The following FUBP3 variants were observed in gnomAD, a reference collection of about 807,000 sequenced individuals.
FUBP3 encodes the protein far upstream element binding protein 3.
Under a neutral mutation model 85.6 loss-of-function variants are expected in FUBP3, and 28 were observed. That is an observed-to-expected ratio of 0.33 (90% CI 0.24 to 0.45). The LOEUF (loss-of-function observed/expected upper bound fraction) is 0.45. Ranked by LOEUF, FUBP3 falls within the 20% of genes least tolerant of loss-of-function variation. FUBP3 has a pLI of 1.00. For missense variants in FUBP3, 583 were observed against 755.1 expected, an observed-to-expected ratio of 0.77 and a Z score of 2.67; for synonymous variants, 271 against 271.4, an observed-to-expected ratio of 1.00 and a Z score of 0.01.
At chr9:130,601,583 C>T (rs1831155859) in intron 2 of FUBP3, among the ~76,000 whole-genome samples, 1 of 152,116 alleles carries the variant, frequency 6.6e-6, no homozygotes, top group Non-Finnish European at 1.5e-5. Context: ...CACTCAAAGA[C>T]TCGTCTTTGC....
chr9:130,634,793 CT>C, intron 17 of FUBP3, 55 bp downstream of exon 17: 1 of 1,361,632 alleles, frequency 7.3e-7, no homozygotes, highest in Admixed American at 1.8e-5. Flanking sequence ...AGCCCAGAGA[CT>C]TCAGAGTCCA....
chr9:130,614,396 A>C, intron 6 of FUBP3, 51 bp downstream of exon 6: 3 of 1,100,682 alleles, frequency 2.7e-6, no homozygotes, highest in Non-Finnish European at 2.8e-6. Context: ...TCCTTCCCCA[A>C]ATGGGGAGAA....
At chr9:130,619,272 G>A (rs983550692) in intron 8 of FUBP3, among the ~76,000 whole-genome samples, 1 of 150,366 alleles carries the variant, frequency 6.7e-6, no homozygotes, top group South Asian at 2.1e-4. Flanking sequence ...ACGGGTTTTA[G>A]TGATTTTTAA....
rs869282275 is a variant in FUBP3 at position 130,589,675 on chromosome 9, G to GTGTGTGTATGTGTATGTA, written c.85-5807_85-5806insGTGTGTATGTGTATGTAT. 1.0e-3 allele frequency among the ~76,000 whole-genome samples: 35 copies of GTGTGTGTATGTGTATGTA among 34,310 alleles called. 1 individual carries two copies. The highest frequency in any genetic ancestry group is 1.6e-3 in the Non-Finnish European group (33 of 20,598). The allele number at this position is 34,310 out of a possible 152,430, so 22.5% of individuals were successfully genotyped here. On this transcript the variant is annotated intron_variant, in intron 1 of 18. Transcript: ENST00000319725. ...ATTTTAAATATGTATGTATGTGTGT[G>GTGTGTGTATGTGTATGTA]TATATATATATATATATATATATAT...
At chr9:130,585,637 T>C (rs936609143) in intron 1 of FUBP3, among the ~76,000 whole-genome samples, 1 of 152,260 alleles carries the variant, frequency 6.6e-6, no homozygotes. Context: ...AACATGCTTA[T>C]GTGCATTAAC....
intron 2 of FUBP3, among the ~76,000 whole-genome samples, chr9:130,607,056 C>T (rs1473357937): frequency 6.6e-6 from 1 of 152,114 alleles, no homozygotes; most frequent in African/African-American, 2.4e-5. Flanking sequence ...CTGCAACTTC[C>T]ACCTCCCCGG....
chr9:130,624,012 T>G (rs530340827), intron 11 of FUBP3, among the ~76,000 whole-genome samples: 1 of 151,136 alleles, frequency 6.6e-6, no homozygotes, highest in Non-Finnish European at 1.5e-5. Context: ...AATAATCAAG[T>G]GTATTTAATG....
At chr9:130,631,892 G>A (rs1279288133) in intron 14 of FUBP3, 50 bp from the exon 15 acceptor site, 2 of 1,363,434 alleles carry the variant, frequency 1.5e-6, no homozygotes, top group Admixed American at 3.4e-5. Context: ...GAGGGGACGA[G>A]CCCTCTGTTG....
At chr9:130,619,968 A>AG (rs1829672872) in intron 8 of FUBP3, among the ~76,000 whole-genome samples, 1 of 151,930 alleles carries the variant, frequency 6.6e-6, no homozygotes, top group Non-Finnish European at 1.5e-5. Context: ...GCTCTTAGAC[A>AG]CCCCTTCCTG....
At chr9:130,583,242 C>T (rs931354304) in intron 1 of FUBP3, among the ~76,000 whole-genome samples, 1 of 152,212 alleles carries the variant, frequency 6.6e-6, no homozygotes, top group Non-Finnish European at 1.5e-5. Flanking sequence ...TCCTGAAAAT[C>T]TCTCCCAGTG....
intron 2 of FUBP3, among the ~76,000 whole-genome samples, chr9:130,599,204 A>G (rs1476784458): frequency 6.6e-6 from 1 of 152,064 alleles, no homozygotes; most frequent in Admixed American, 6.5e-5. Context: ...AGGCAGGAGA[A>G]TCACTTGAAC....
intron 6 of FUBP3, among the ~76,000 whole-genome samples, chr9:130,615,283 G>A (rs1352109460): frequency 6.6e-6 from 1 of 152,198 alleles, no homozygotes; most frequent in African/African-American, 2.4e-5. Context: ...GAAGATACAC[G>A]AAGCTGATTC....
chr9:130,631,925 C>G lies in FUBP3; in HGVS notation c.1353-17C>G. 6.3e-7 allele frequency: 1 copy of G among 1,595,110 alleles called. No homozygotes were observed. The highest frequency in any genetic ancestry group is 8.6e-7 in the Non-Finnish European group (1 of 1,162,578). ...TTGTGAGGCGCTCAGTCTGTTGTTT[C>G]TTTTACCTTTTCCCAGTACCTTTCC... On this transcript the variant is annotated splice_polypyrimidine_tract_variant and intron_variant, in intron 14 of 18. Transcript: ENST00000319725.
intron 1 of FUBP3, among the ~76,000 whole-genome samples, chr9:130,588,721 T>G (rs1212355364): frequency 1.3e-5 from 2 of 152,220 alleles, no homozygotes; most frequent in Admixed American, 1.3e-4. Flanking sequence ...AGGCACTTAG[T>G]AGGCAGTATG....
At chr9:130,626,800 A>G (rs1829995612) in intron 12 of FUBP3, among the ~76,000 whole-genome samples, 1 of 152,178 alleles carries the variant, frequency 6.6e-6, no homozygotes, top group Non-Finnish European at 1.5e-5. Context: ...ACCTTGCGCA[A>G]GATGGGGGGC....
intron 2 of FUBP3, among the ~76,000 whole-genome samples, chr9:130,608,567 G>A (rs60046622): frequency 0.2 from 30,032 of 152,100 alleles, 4,905 homozygotes; most frequent in African/African-American, 0.45. Flanking sequence ...CAGAATGGGA[G>A]TTGTGAACAC....
rs1564211004 is a variant in FUBP3 at position 130,616,452 on chromosome 9, C to G, written c.502C>G (p.Leu168Val). The G allele has an allele frequency of 6.2e-7, 1 of 1,614,052 alleles. No homozygotes were observed. Among genetic ancestry groups the G allele is most frequent in the Non-Finnish European group, 8.5e-7 (1 of 1,179,932 alleles). ...CAGCAACAGCACAATCCAGGAGATT[C>G]TCATTCCCGCATCTAAAGTGGGTCT... ...IDSNSTIQEI[L>V]IPASKVGLVI... The change falls in exon 7 of 19, where the codon CTC becomes GTC. Residue 168 changes from leucine (L) to valine (V), a missense_variant. Leu to Val is a conservative substitution (Grantham distance 32, BLOSUM62 1). Around this residue, in one of 3 missense-constraint regions of FUBP3, gnomAD observed 177 missense variants for 221.9 expected, o/e 0.80. Transcript: ENST00000319725. This position sits in a 1 kb window ranked among gnomAD's most constrained non-coding sequence, Gnocchi z 4.7.
At chr9:130,631,283 G>C (rs577137431) in intron 13 of FUBP3, 9 of 1,351,642 alleles carry the variant, frequency 6.7e-6, no homozygotes, top group Non-Finnish European at 8.5e-6. Flanking sequence ...GTTGACGGGA[G>C]AGTCAAGCAG....
chr9:130,588,983 C>T (rs936705181), intron 1 of FUBP3, among the ~76,000 whole-genome samples: 2 of 152,146 alleles, frequency 1.3e-5, no homozygotes, highest in Non-Finnish European at 2.9e-5. Context: ...CCCACACCCT[C>T]GATGCTGGTG....
Sources: gnomAD v4.1 joint callset for allele counts (sites outside exome capture counted in the v4.1 genomes callset) on GRCh38, gnomAD v4.1.1 for gene constraint, gnomAD v4.1.1 regional missense constraint, Gnocchi (gnomAD v3.1) non-coding constraint, MANE v1.5 for transcripts, NCBI Gene and HGNC (gene_info 2026-07-23, HGNC 2026-07-21) for gene names.